Variants in CRHR1 observed in about 807,000 individuals in gnomAD.
CRHR1 encodes the protein corticotropin releasing hormone receptor 1, also known as corticotropin-releasing hormone receptor 1.
A neutral mutation model predicts 56.0 loss-of-function variants in CRHR1; 28 were observed. That is an observed-to-expected ratio of 0.50 (90% CI 0.37 to 0.69). CRHR1 has a LOEUF of 0.69. Ranked by LOEUF, CRHR1 falls within the 30% of genes least tolerant of loss-of-function variation. The pLI is 0.00. For synonymous variants in CRHR1, 195 were observed against 216.5 expected, an observed-to-expected ratio of 0.90 and a Z score of 0.87; for missense variants, 376 against 548.0, an observed-to-expected ratio of 0.69 and a Z score of 3.13.
chr17:45,803,775 T>TGCGC (rs1232847421), intron 1 of CRHR1, among the ~76,000 whole-genome samples: 35 of 150,328 alleles, frequency 2.3e-4, no homozygotes, highest in Admixed American at 9.9e-4. Context: ...TGTGTGTGTG[T>TGCGC]GCGTGCGCGT....
intron 1 of CRHR1, among the ~76,000 whole-genome samples, chr17:45,797,011 C>T (rs1015605278): frequency 4.6e-5 from 7 of 152,262 alleles, no homozygotes; most frequent in African/African-American, 1.7e-4. Context: ...GAGCTACGCT[C>T]CGGGCACCCC....
Position 45,834,900 on chromosome 17 carries a change from C to T in CRHR1, c.*136C>T, listed in dbSNP as rs2062404861. 8.5e-7 allele frequency: 1 copy of T among 1,182,832 alleles called. No homozygotes were observed. The highest frequency in any genetic ancestry group is 1.2e-6 in the Non-Finnish European group (1 of 844,892). The allele number at this position is 1,182,832 out of a possible 1,614,324, so 73.3% of individuals were successfully genotyped here. ...CCCAGGAGCAGCTGGCACTGACAGCCTGGGGGGGCCGCTCTCCCCCTGCAG... is the reference window on the plus strand; with the variant it reads ...CCCAGGAGCAGCTGGCACTGACAGCTTGGGGGGGCCGCTCTCCCCCTGCAG... On this transcript the variant is annotated 3_prime_UTR_variant, in exon 13 of 13. Transcript: ENST00000314537.
intron 1 of CRHR1, among the ~76,000 whole-genome samples, chr17:45,804,690 C>T (rs947197594): frequency 2.0e-5 from 3 of 151,874 alleles, no homozygotes; most frequent in Non-Finnish European, 1.5e-5. Context: ...GATGGACACC[C>T]CTGAAGGATA....
chr17:45,814,552 C>T (rs769444119), intron 2 of CRHR1, among the ~76,000 whole-genome samples: 2 of 152,216 alleles, frequency 1.3e-5, no homozygotes, highest in Non-Finnish European at 2.9e-5. Flanking sequence ...GAAGATCAAA[C>T]GAAATAGATG....
intron 1 of CRHR1, among the ~76,000 whole-genome samples, chr17:45,801,341 A>G (rs1292495232): frequency 6.6e-6 from 1 of 152,222 alleles, no homozygotes; most frequent in Non-Finnish European, 1.5e-5. Context: ...CCAGCTCCTA[A>G]AAACAGTTAT....
chr17:45,806,583 G>GAA (rs879277838), intron 1 of CRHR1, among the ~76,000 whole-genome samples: 14,111 of 152,266 alleles, frequency 0.093, 798 homozygotes, highest in Middle Eastern at 0.16. Flanking sequence ...GGATGTCAGC[G>GAA]GCCATGGTGG....
intron 2 of CRHR1, among the ~76,000 whole-genome samples, chr17:45,812,569 G>A (rs1273916817): frequency 1.3e-5 from 2 of 152,120 alleles, no homozygotes; most frequent in Non-Finnish European, 2.9e-5. Context: ...GAATCAGAAG[G>A]TCCTTGAGGT....
chr17:45,785,365 C>G (rs2061317403), intron 1 of CRHR1, among the ~76,000 whole-genome samples: 1 of 152,260 alleles, frequency 6.6e-6, no homozygotes, highest in South Asian at 2.1e-4. Context: ...GGGAGGCCGG[C>G]AGTCCGGCCC....
At chr17:45,832,586 C>G (rs1238053753) in intron 8 of CRHR1, among the ~76,000 whole-genome samples, 1 of 152,244 alleles carries the variant, frequency 6.6e-6, no homozygotes, top group Non-Finnish European at 1.5e-5. Flanking sequence ...ACCCACTCCC[C>G]AGGCCTCCCT....
In CRHR1 at chr17:45,818,614, T is replaced by C. The variant is rs1434445277; in HGVS notation, c.241+2032T>C. 2.0e-5 allele frequency among the ~76,000 whole-genome samples: 3 copies of C among 152,190 alleles called. 1 individual carries two copies. The highest frequency in any genetic ancestry group is 4.4e-5 in the Non-Finnish European group (3 of 68,030). On this transcript the variant is annotated intron_variant, in intron 3 of 12. Coordinates refer to ENST00000314537, the MANE Select transcript of CRHR1 (RefSeq NM_004382.5). ...GGAAAGGAGCTGGGGTGATGGCCTC[T>C]CGACATGGGGTCAGTCTGTGAGGGC...
chr17:45,796,555 C>T (rs1373896030), intron 1 of CRHR1, among the ~76,000 whole-genome samples: 1 of 152,198 alleles, frequency 6.6e-6, no homozygotes, highest in Non-Finnish European at 1.5e-5. Context: ...CTGTGCTGCC[C>T]AGGGGCAGGA....
Position 45,830,457 on chromosome 17 carries a change from A to G in CRHR1, c.596A>G (p.His199Arg). The part of the protein sequence containing the change: ...RLVTAAYNYF[H>R]VTNFFWMFGE... ...GTGACAGCCGCCTACAACTACTTCC[A>G]TGTGACCAACTTCTTCTGGATGTTC... The change falls in exon 7 of 13, where the codon CAT becomes CGT. Residue 199 changes from histidine (H) to arginine (R), a missense_variant. Coordinates refer to ENST00000314537, the MANE Select transcript of CRHR1 (RefSeq NM_004382.5). The G allele has an allele frequency of 6.2e-7, 1 of 1,613,414 alleles. No individual in the cohort carries two copies. The highest frequency in any genetic ancestry group is 8.5e-7 in the Non-Finnish European group (1 of 1,179,882).
At chr17:45,821,255 C>T in intron 3 of CRHR1, 100 bp from the exon 4 acceptor site, 1 of 1,057,700 alleles carries the variant, frequency 9.5e-7, no homozygotes, top group Non-Finnish European at 1.5e-6. Flanking sequence ...GGTGCCTGTA[C>T]TGGCCATCTA....
intron 1 of CRHR1, among the ~76,000 whole-genome samples, chr17:45,796,647 G>C (rs1411774267): frequency 6.6e-6 from 1 of 152,184 alleles, no homozygotes; most frequent in South Asian, 2.1e-4. Context: ...CCAGTCTCTC[G>C]TTTGAACAGT....
At position 45,833,220 on chromosome 17, in the gene CRHR1, TGGGTAG is replaced by T; in HGVS notation, c.843+14_843+19del. 1.2e-6 allele frequency: 2 copies of T among 1,613,550 alleles called. No homozygotes were observed. Among genetic ancestry groups the T allele is most frequent in the Non-Finnish European group, 8.5e-7 (1 of 1,179,624 alleles). On this transcript the variant is annotated intron_variant, in intron 9 of 12. Transcript: ENST00000314537. ...GATCCTGGTCCTGCTGGTAAGAACC[TGGGTAG>T]GGGCAGGAGACAGGGCCCAGTGGGG...
intron 1 of CRHR1, among the ~76,000 whole-genome samples, chr17:45,791,575 T>A (rs1182866795): frequency 1.3e-5 from 2 of 152,090 alleles, no homozygotes; most frequent in Non-Finnish European, 2.9e-5. Context: ...AGCGGTGGCA[T>A]CTCCTGGAAA....
intron 1 of CRHR1, among the ~76,000 whole-genome samples, chr17:45,789,711 T>C (rs1004356783): frequency 4.6e-5 from 7 of 152,204 alleles, no homozygotes; most frequent in African/African-American, 1.7e-4. Flanking sequence ...TTGGACTTGT[T>C]GCTCTAGGCC....
intron 2 of CRHR1, among the ~76,000 whole-genome samples, chr17:45,811,027 G>A (rs888425097): frequency 1.3e-5 from 2 of 152,248 alleles, no homozygotes; most frequent in Non-Finnish European, 2.9e-5. Context: ...AGCCAAATAG[G>A]GGGAAGGGCT....
At chr17:45,814,339 G>GCCCCCTTAACTGTCCCTCA (rs1324728393) in intron 2 of CRHR1, among the ~76,000 whole-genome samples, 2 of 152,142 alleles carry the variant, frequency 1.3e-5, no homozygotes, top group African/African-American at 4.8e-5. Context: ...CCTTCCTGCT[G>GCCCCCTTAACTGTCCCTCA]CCCCCTTAAC....
Sources: gnomAD v4.1 joint callset for allele counts (sites outside exome capture counted in the v4.1 genomes callset) on GRCh38, gnomAD v4.1.1 for gene constraint, MANE v1.5 for transcripts, NCBI Gene and HGNC (gene_info 2026-07-23, HGNC 2026-07-21) for gene names.